The following TMTC1 variants were observed in gnomAD, a reference collection of about 807,000 sequenced individuals.
TMTC1 encodes the protein protein O-mannosyl-transferase TMTC1.
In TMTC1, 73 loss-of-function variants were observed where a neutral mutation model predicts 104.8. The ratio of observed to expected loss-of-function variants is 0.70; its 90% CI spans 0.58 to 0.85. The LOEUF (loss-of-function observed/expected upper bound fraction) is 0.85, where lower values mean the gene tolerates loss of function less well. Ranked by LOEUF, TMTC1 falls within the 40% of genes least tolerant of loss-of-function variation. The pLI, the probability that TMTC1 is intolerant of heterozygous loss-of-function variation, is 0.00. For missense variants in TMTC1, 1,035 were observed against 1,096.1 expected (o/e 0.94, Z 0.79); for synonymous variants, 434 against 428.7 (o/e 1.01, Z -0.15).
intron 5 of TMTC1, among the ~76,000 whole-genome samples, chr12:29,722,745 C>A (rs1161266029): frequency 1.3e-5 from 2 of 151,802 alleles, no homozygotes; most frequent in African/African-American, 2.4e-5. Context: ...CATGGAGAAA[C>A]CCCATCTCTA....
intron 5 of TMTC1, among the ~76,000 whole-genome samples, chr12:29,679,298 T>C (rs1321106748): frequency 6.6e-6 from 1 of 152,202 alleles, no homozygotes; most frequent in Non-Finnish European, 1.5e-5. Flanking sequence ...CCCCTGGGTA[T>C]TGATATGATT....
rs565199526 is a variant in TMTC1, at chr12:29,544,213, G to A, written c.1677-7896C>T. Among the ~76,000 whole-genome samples the A allele has an allele frequency of 7.4e-5, 11 of 149,552 alleles. No individual in the cohort carries two copies. The South Asian group carries it at 1.7e-3, about 23-fold the overall frequency. ...GCTGAGATCATGCCACTGCACTCCA[G>A]CCTGGGCAACAGAAGCAAAACTCCA... On this transcript the variant is annotated intron_variant, in intron 10 of 17. Coordinates refer to ENST00000539277, the MANE Select transcript of TMTC1 (RefSeq NM_001193451.2).
chr12:29,705,399 A>C (rs1243038343), intron 5 of TMTC1, among the ~76,000 whole-genome samples: 5 of 152,218 alleles, frequency 3.3e-5, no homozygotes, highest in Non-Finnish European at 5.9e-5. Context: ...AACAGAATAC[A>C]AATCACTCTT....
chr12:29,780,796 G>A (rs1249834300), intron 1 of TMTC1, among the ~76,000 whole-genome samples: 1 of 152,056 alleles, frequency 6.6e-6, no homozygotes, highest in Non-Finnish European at 1.5e-5. Context: ...AGAGTAGAAG[G>A]AATCTCTCTA....
intron 5 of TMTC1, among the ~76,000 whole-genome samples, chr12:29,689,082 G>A (rs1384361798): frequency 1.3e-5 from 2 of 152,070 alleles, no homozygotes; most frequent in African/African-American, 2.4e-5. Context: ...CTAGAGCACT[G>A]GTAACTATTT....
chr12:29,654,265 C>T (rs920499170), intron 5 of TMTC1, among the ~76,000 whole-genome samples: 1 of 151,968 alleles, frequency 6.6e-6, no homozygotes, highest in Non-Finnish European at 1.5e-5. Context: ...ACAAACAACC[C>T]AATTAAAAAG....
chr12:29,690,674 CAG>C (rs143347737), intron 5 of TMTC1, among the ~76,000 whole-genome samples: 1,526 of 152,270 alleles, frequency 0.01, 31 homozygotes, highest in African/African-American at 0.035. Context: ...AATTTGGTGA[CAG>C]AATTAAACAT....
intron 5 of TMTC1, among the ~76,000 whole-genome samples, chr12:29,672,682 T>C (rs1382259261): frequency 1.3e-5 from 2 of 152,180 alleles, no homozygotes; most frequent in Non-Finnish European, 2.9e-5. Flanking sequence ...GAAGCAACTC[T>C]AATAACAACG....
intron 10 of TMTC1, among the ~76,000 whole-genome samples, chr12:29,555,931 A>T (rs1945232551): frequency 9.9e-6 from 1 of 101,462 alleles, no homozygotes; most frequent in South Asian, 3.8e-4. Context: ...ACTAACTTAC[A>T]CTCCCACCAA....
intron 9 of TMTC1, among the ~76,000 whole-genome samples, chr12:29,565,339 C>T (rs1028566124): frequency 6.6e-6 from 1 of 152,152 alleles, no homozygotes; most frequent in Non-Finnish European, 1.5e-5. Context: ...TTTGTAGGAA[C>T]ATCTAGAATA....
chr12:29,581,584 G>A (rs1945982938), intron 8 of TMTC1, among the ~76,000 whole-genome samples: 1 of 151,482 alleles, frequency 6.6e-6, no homozygotes, highest in Non-Finnish European at 1.5e-5. Context: ...TACATCTTTG[G>A]CATCAGCTGT....
chr12:29,549,653 A>G (rs1945042611), intron 10 of TMTC1, among the ~76,000 whole-genome samples: 1 of 152,186 alleles, frequency 6.6e-6, no homozygotes. Context: ...GTCTACGAAC[A>G]TGCAGGAAAT....
intron 5 of TMTC1, among the ~76,000 whole-genome samples, chr12:29,680,458 A>G (rs1168765312): frequency 6.6e-6 from 1 of 152,194 alleles, no homozygotes; most frequent in African/African-American, 2.4e-5. Context: ...TTAGAAAAGA[A>G]TTAATAAAGC....
At chr12:29,732,027 C>A (rs1283053053) in intron 5 of TMTC1, among the ~76,000 whole-genome samples, 1 of 152,018 alleles carries the variant, frequency 6.6e-6, no homozygotes, top group Non-Finnish European at 1.5e-5. Context: ...AATATTTATT[C>A]CATATAAATT....
intron 5 of TMTC1, among the ~76,000 whole-genome samples, chr12:29,646,809 C>T (rs1473617767): frequency 6.6e-6 from 1 of 152,066 alleles, no homozygotes; most frequent in Non-Finnish European, 1.5e-5. Flanking sequence ...CAGTTTTTGC[C>T]CAGGGTTCTC....
At chr12:29,578,206 T>C (rs1423319909) in intron 8 of TMTC1, among the ~76,000 whole-genome samples, 1 of 151,860 alleles carries the variant, frequency 6.6e-6, no homozygotes, top group Non-Finnish European at 1.5e-5. Flanking sequence ...CAAGCAGAAG[T>C]GGGTGGAGTC....
Position 29,663,717 on chromosome 12 carries a change from A to G in TMTC1, c.939-30381T>C, listed in dbSNP as rs374001874. ...CTTTTAGTAGAGACAGGGTTTCGCC[A>G]TGTTGGCCAGGCTGGTCTCAAACTC... On this transcript the variant is annotated intron_variant, in intron 5 of 17. Coordinates refer to ENST00000539277, the MANE Select transcript of TMTC1 (RefSeq NM_001193451.2). 4.0e-4 allele frequency among the ~76,000 whole-genome samples: 46 copies of G among 115,948 alleles called. 1 individual carries two copies. Among genetic ancestry groups the G allele is most frequent in the East Asian group, 8.2e-4 (3 of 3,650 alleles). 76.1% of individuals were successfully genotyped at this position (115,948 alleles called of 152,430 possible).
intron 5 of TMTC1, among the ~76,000 whole-genome samples, chr12:29,700,242 T>C (rs1274081186): frequency 6.6e-6 from 1 of 150,882 alleles, no homozygotes; most frequent in Admixed American, 6.6e-5. Context: ...TTTTTTTGTT[T>C]TTTTTTTTGA....
At chr12:29,758,242 A>G (rs1262540344) in intron 3 of TMTC1, among the ~76,000 whole-genome samples, 1 of 152,252 alleles carries the variant, frequency 6.6e-6, no homozygotes, top group Non-Finnish European at 1.5e-5. Flanking sequence ...GGAAAACCAC[A>G]GTCGAGAAAT....
Sources: gnomAD v4.1 joint callset for allele counts (sites outside exome capture counted in the v4.1 genomes callset) on GRCh38, gnomAD v4.1.1 for gene constraint, MANE v1.5 for transcripts, NCBI Gene and HGNC (gene_info 2026-07-23, HGNC 2026-07-21) for gene names.